Variants in ATG7 observed in about 807,000 individuals in gnomAD.
The protein encoded by ATG7 is ubiquitin-like modifier-activating enzyme ATG7.
In ATG7, 70 loss-of-function variants were observed where a neutral mutation model predicts 82.4. The ratio of observed to expected loss-of-function variants is 0.85; its 90% CI spans 0.70 to 1.04. ATG7 has a LOEUF of 1.04. ATG7 is among the 50% of genes least tolerant of loss of function. The pLI is 0.00. For missense variants in ATG7, 792 were observed against 864.3 expected (o/e 0.92, Z 1.05); for synonymous variants, 287 against 313.0 (o/e 0.92, Z 0.88).
intron 20 of ATG7, among the ~76,000 whole-genome samples, chr3:11,494,583 T>C (rs1040668832): frequency 1.3e-5 from 2 of 152,214 alleles, no homozygotes; most frequent in African/African-American, 4.8e-5. Flanking sequence ...GAAGAAGTTA[T>C]AGGAAATAGT....
intron 20 of ATG7, among the ~76,000 whole-genome samples, chr3:11,486,747 AG>A (rs1436620349): frequency 3.3e-5 from 5 of 151,922 alleles, no homozygotes; most frequent in Non-Finnish European, 7.3e-5. Context: ...TTTAGTATGA[AG>A]GGTTGTTGAA....
At chr3:11,446,687 T>G (rs2084590314) in intron 20 of ATG7, 1 of 249,382 alleles carries the variant, frequency 4.0e-6, no homozygotes. Flanking sequence ...GACTTCTTCC[T>G]GTAAGATGCT....
chr3:11,525,176 G>C (rs34276023), intron 20 of ATG7, among the ~76,000 whole-genome samples: 1 of 150,458 alleles, frequency 6.6e-6, no homozygotes, highest in Non-Finnish European at 1.5e-5. Context: ...GACCACAGGC[G>C]TGCACTACCA....
At chr3:11,558,598 G>A, downstream of ATG7, 3 of 1,605,584 alleles carry the variant, frequency 1.9e-6, no homozygotes, top group Middle Eastern at 3.3e-4. Context: ...TGACCATGTG[G>A]GCAGAGGGGC....
intron 19 of ATG7, among the ~76,000 whole-genome samples, chr3:11,424,832 C>T (rs1269700868): frequency 6.6e-6 from 1 of 152,044 alleles, no homozygotes; most frequent in Non-Finnish European, 1.5e-5. Context: ...TTCTTCCTGT[C>T]TCCTCCTTCC....
intron 11 of ATG7, among the ~76,000 whole-genome samples, chr3:11,339,839 T>C (rs1300118268): frequency 6.6e-6 from 1 of 152,224 alleles, no homozygotes; most frequent in East Asian, 1.9e-4. Flanking sequence ...TGCAGGTTTC[T>C]CAGAGCTTTT....
intron 19 of ATG7, among the ~76,000 whole-genome samples, chr3:11,398,886 T>C (rs1349505024): frequency 2.0e-5 from 3 of 151,936 alleles, no homozygotes; most frequent in African/African-American, 7.2e-5. Context: ...CCGAAATTAA[T>C]GAGCAAATAT....
At chr3:11,389,290 C>G (rs1340127734) in intron 19 of ATG7, among the ~76,000 whole-genome samples, 2 of 147,276 alleles carry the variant, frequency 1.4e-5, no homozygotes, top group African/African-American at 5.0e-5. Flanking sequence ...ATGTCTTATT[C>G]CTGAAGTTAC....
intron 20 of ATG7, among the ~76,000 whole-genome samples, chr3:11,546,162 ATTTTTTTTT>A (rs36042370): frequency 2.8e-4 from 19 of 68,858 alleles, no homozygotes; most frequent in South Asian, 6.8e-4. Context: ...CCAAAACTGG[ATTTTTTTTT>A]TTTTTTTTTT....
rs1419681967 is a variant in ATG7 at position 11,557,077 on chromosome 3, T to C, written c.*2234T>C. ...ACCACGCCCACGTCACCTGGTCAGG[T>C]GCCATCGTCGTGAGCCTCTGGTGGG... On this transcript the variant is annotated 3_prime_UTR_variant, in exon 21 of 21. Transcript: ENST00000693202. 1.3e-5 allele frequency: 2 copies of C among 152,306 alleles called. No individual in the cohort carries two copies. The highest frequency in any genetic ancestry group is 2.9e-5 in the Non-Finnish European group (2 of 68,026). 9.4% of individuals were successfully genotyped at this position (152,306 alleles called of 1,614,324 possible).
At chr3:11,499,768 C>G (rs2443710) in intron 20 of ATG7, among the ~76,000 whole-genome samples, 126,021 of 150,394 alleles carry the variant, frequency 0.84, 52,914 homozygotes, top group East Asian at 1. Context: ...AAAAAAGAAA[C>G]AAAAAATCTA....
In ATG7 at chr3:11,486,175, G is replaced by C. The variant is rs1449146765; in HGVS notation, c.2079+59249G>C. On this transcript the variant is annotated intron_variant, in intron 20 of 20. Transcript: ENST00000693202. ...GATATTGATTCTTCCTACCCATGAG[G>C]ATGGAATGTTCTTCCATTTGTTTGT... is the stretch of plus-strand genomic sequence containing the variant. Among the ~76,000 whole-genome samples the C allele has an allele frequency of 1.1e-4, 17 of 152,240 alleles. No homozygotes were observed. In the East Asian group the frequency reaches 3.1e-3, roughly 28 times the overall value.
chr3:11,531,304 T>TG (rs1687896936), intron 20 of ATG7, among the ~76,000 whole-genome samples: 1 of 152,136 alleles, frequency 6.6e-6, no homozygotes, highest in African/African-American at 2.4e-5. Flanking sequence ...CAGGGAGCAC[T>TG]GTGCATTAGC....
chr3:11,401,253 T>C (rs1576110309), intron 19 of ATG7, among the ~76,000 whole-genome samples: 1 of 152,214 alleles, frequency 6.6e-6, no homozygotes, highest in Admixed American at 6.5e-5. Flanking sequence ...ATAGCTTTTG[T>C]GCTTTGTGAC....
chr3:11,421,330 G>A (rs977266870), intron 19 of ATG7, among the ~76,000 whole-genome samples: 1 of 152,152 alleles, frequency 6.6e-6, no homozygotes, highest in African/African-American at 2.4e-5. Context: ...AATTGGAGTT[G>A]TCCTCTCAAA....
At chr3:11,448,216 A>G (rs1244363607) in intron 20 of ATG7, among the ~76,000 whole-genome samples, 1 of 152,176 alleles carries the variant, frequency 6.6e-6, no homozygotes, top group Non-Finnish European at 1.5e-5. Context: ...CCTCCAAACA[A>G]AGAACTTTCT....
intron 20 of ATG7, among the ~76,000 whole-genome samples, chr3:11,459,172 TTAA>T (rs920214962): frequency 2.2e-5 from 1 of 45,208 alleles, no homozygotes; most frequent in African/African-American, 1.0e-4. Context: ...GGGAGTCACT[TTAA>T]AAAAAAAAAA....
the ATG7 span, among the ~76,000 whole-genome samples, chr3:11,572,054 C>T: frequency 0.15 from 23,427 of 152,106 alleles, 2,080 homozygotes; most frequent in South Asian, 0.3. Context: ...TTGCAGTGAG[C>T]TGAGATCTGC....
intron 20 of ATG7, among the ~76,000 whole-genome samples, chr3:11,449,664 G>C (rs2084919160): frequency 6.6e-6 from 1 of 152,120 alleles, no homozygotes; most frequent in South Asian, 2.1e-4. Context: ...TGTGTATTTG[G>C]ATCACCAGAG....
Sources: gnomAD v4.1 joint callset for allele counts (sites outside exome capture counted in the v4.1 genomes callset) on GRCh38, gnomAD v4.1.1 for gene constraint, MANE v1.5 for transcripts, NCBI Gene and HGNC (gene_info 2026-07-23, HGNC 2026-07-21) for gene names.